IL17RD: variants seen among roughly 807,000 people sequenced by gnomAD.
The protein encoded by IL17RD is interleukin 17 receptor D, also known as interleukin-17 receptor D.
Under a neutral mutation model 80.5 loss-of-function variants are expected in IL17RD, and 52 were observed. The ratio of observed to expected loss-of-function variants is 0.65; its 90% confidence interval spans 0.52 to 0.81. IL17RD has a LOEUF of 0.81. Ranked by LOEUF, IL17RD falls within the 40% of genes least tolerant of loss-of-function variation. IL17RD has a pLI of 0.00. For missense variants in IL17RD, 1,024 were observed against 955.1 expected, an observed-to-expected ratio of 1.07 and a Z score of -0.95; for synonymous variants, 416 against 391.8, an observed-to-expected ratio of 1.06 and a Z score of -0.73.
chr3:57,127,670 G>C (rs1282296888), intron 1 of IL17RD, among the ~76,000 whole-genome samples: 1 of 151,822 alleles, frequency 6.6e-6, no homozygotes, highest in Non-Finnish European at 1.5e-5. Flanking sequence ...GCCTCCCAAA[G>C]TGCTGGGATT....
chr3:57,100,055 TATC>T (rs1354004947), intron 11 of IL17RD, among the ~76,000 whole-genome samples: 1 of 152,248 alleles, frequency 6.6e-6, no homozygotes, highest in African/African-American at 2.4e-5. Flanking sequence ...ATGTTTTATT[TATC>T]ATCCTTTTCT....
chr3:57,127,379 A>T (rs184036526), intron 1 of IL17RD, among the ~76,000 whole-genome samples: 7,165 of 82,186 alleles, frequency 0.087, 976 homozygotes, highest in South Asian at 0.22. Context: ...TATATATATA[A>T]ATAAATAAAT....
Position 57,110,132 on chromosome 3 carries a change from A to G in IL17RD, c.429+61T>C. The G allele has an allele frequency of 3.2e-6, 5 of 1,542,330 alleles. No homozygotes were observed. The South Asian group carries it at 3.6e-5, about 11-fold the overall frequency. Reference sequence around the variant, plus strand: ...TTCTCCAATTTCAGACTTTGAATACACTATTCAGGACCCTGGAACAATGGC... The same window carrying G: ...TTCTCCAATTTCAGACTTTGAATACGCTATTCAGGACCCTGGAACAATGGC... On this transcript the variant is annotated intron_variant, in intron 4 of 12. Transcript: ENST00000296318.
chr3:57,163,793 CGG>C (rs1304017874), intron 1 of IL17RD, among the ~76,000 whole-genome samples: 1 of 21,708 alleles, frequency 4.6e-5, no homozygotes, highest in African/African-American at 3.0e-4. Context: ...GGCGGGGGGG[CGG>C]GGGGGGAAGG....
At chr3:57,168,373 C>T (rs1229511346), upstream of IL17RD, among the ~76,000 whole-genome samples, 4 of 152,188 alleles carry the variant, frequency 2.6e-5, no homozygotes, top group South Asian at 2.1e-4. Context: ...ATCTGGCAAC[C>T]GACAGCCTCT....
At chr3:57,143,556 G>C (rs1707871038) in intron 1 of IL17RD, among the ~76,000 whole-genome samples, 1 of 152,252 alleles carries the variant, frequency 6.6e-6, no homozygotes. Context: ...CTGGGGAGCT[G>C]TGCTTACACA....
At position 57,094,780 on chromosome 3, in the gene IL17RD, T is replaced by C. The variant is rs1346770582; in HGVS notation, c.*1613A>G. ...CCATAGGAACAACATAAAATGACTC[T>C]TCTCTGAGTTGCCTGTTGTTATGGG... On this transcript the variant is annotated 3_prime_UTR_variant, in exon 13 of 13. Transcript: ENST00000296318. The C allele has an allele frequency of 6.6e-6, 1 of 152,358 alleles. No individual in the cohort carries two copies. Among genetic ancestry groups the C allele is most frequent in the Non-Finnish European group, 1.5e-5 (1 of 68,038 alleles). 9.4% of individuals were successfully genotyped at this position (152,358 alleles called of 1,614,324 possible).
intron 1 of IL17RD, among the ~76,000 whole-genome samples, chr3:57,140,617 C>T (rs573756291): frequency 5.9e-4 from 90 of 152,226 alleles, no homozygotes; most frequent in African/African-American, 2.1e-3. Context: ...TCCATAGCCC[C>T]GAAAGGCTTA....
rs75259928 is a variant in IL17RD, at chr3:57,140,378, C to A, written c.127-20065G>T. Among the ~76,000 whole-genome samples, 5 of 152,242 alleles carry A rather than the reference C, an allele frequency of 3.3e-5. No homozygotes were observed. In the East Asian group the frequency reaches 9.6e-4, roughly 29 times the overall value. ...GTCTACGAGCTAGCATTTAGAATAA[C>A]TGACAATTTCCCAGAACTCAAAGAG... is the stretch of plus-strand genomic sequence containing the variant. On this transcript the variant is annotated intron_variant, in intron 1 of 12. Coordinates refer to ENST00000296318, the MANE Select transcript of IL17RD (RefSeq NM_017563.5).
At chr3:57,136,457 G>C (rs1356294592) in intron 1 of IL17RD, among the ~76,000 whole-genome samples, 1 of 151,896 alleles carries the variant, frequency 6.6e-6, no homozygotes, top group Non-Finnish European at 1.5e-5. Context: ...CCATCTCATA[G>C]ACCCCATCTG....
At chr3:57,169,171 T>A, upstream of IL17RD, 1 of 495,466 alleles carries the variant, frequency 2.0e-6, no homozygotes, top group Non-Finnish European at 4.0e-6. Context: ...GGAGCTCAGC[T>A]GTGGAGGTGA....
At chr3:57,167,461 T>C (rs888727467), upstream of IL17RD, among the ~76,000 whole-genome samples, 5 of 152,092 alleles carry the variant, frequency 3.3e-5, no homozygotes, top group African/African-American at 9.7e-5. Flanking sequence ...CGTTTGGCCA[T>C]GAGAGTCAGG....
At position 57,097,803 on chromosome 3, in the gene IL17RD, G is replaced by A. The variant is rs772400592; in HGVS notation, c.1900C>T (p.Arg634Trp). ...HGGLDQDGEA[R>W]PALDGSAALQ... ...GCGGCGCTACCGTCAAGGGCAGGCC[G>A]GGCCTCCCCGTCTTGGTCCAGGCCC... The change falls in exon 12 of 13, where the codon CGG (arginine) becomes TGG (tryptophan). Residue 634 changes from arginine (R) to tryptophan (W), a missense_variant. Arg to Trp is a moderately radical substitution (Grantham distance 101, BLOSUM62 -3). Transcript: ENST00000296318. 9 of 1,605,982 alleles carry A rather than the reference G, an allele frequency of 5.6e-6. No homozygotes were observed. Among genetic ancestry groups the A allele is most frequent in the Admixed American group, 1.7e-5 (1 of 59,306 alleles).
chr3:57,163,230 G>A (rs1358624673), intron 1 of IL17RD, among the ~76,000 whole-genome samples: 2 of 152,178 alleles, frequency 1.3e-5, no homozygotes, highest in Non-Finnish European at 2.9e-5. Flanking sequence ...AGGCGAATGA[G>A]GATGACCCAA....
At chr3:57,144,162 CT>C (rs1045259160) in intron 1 of IL17RD, among the ~76,000 whole-genome samples, 1 of 152,204 alleles carries the variant, frequency 6.6e-6, no homozygotes, top group African/African-American at 2.4e-5. Context: ...CTTGTCATCA[CT>C]TCTGTCTAAG....
At chr3:57,119,608 G>A (rs544258888) in intron 2 of IL17RD, among the ~76,000 whole-genome samples, 1 of 152,120 alleles carries the variant, frequency 6.6e-6, no homozygotes, top group Non-Finnish European at 1.5e-5. Flanking sequence ...GTCAGCGATG[G>A]CCAACCAACT....
chr3:57,127,338 A>ATATAT (rs1559477158), intron 1 of IL17RD, among the ~76,000 whole-genome samples: 1 of 87,218 alleles, frequency 1.1e-5, no homozygotes, highest in Admixed American at 1.6e-4. Flanking sequence ...ATATATATAA[A>ATATAT]AATATATATA....
intron 1 of IL17RD, chr3:57,134,676 G>A: frequency 2.8e-6 from 2 of 725,822 alleles, no homozygotes; most frequent in Non-Finnish European, 5.2e-6. Context: ...ACAGGCCAAG[G>A]AGGAGATCAT....
chr3:57,128,623 T>G (rs1028905293), intron 1 of IL17RD, among the ~76,000 whole-genome samples: 4 of 150,708 alleles, frequency 2.7e-5, no homozygotes, highest in Admixed American at 1.3e-4. Context: ...GTTAGGACAT[T>G]GGTGTGAGTT....
Sources: allele counts gnomAD v4.1 joint callset (sites outside exome capture counted in the v4.1 genomes callset), GRCh38; gene constraint gnomAD v4.1.1; transcripts MANE v1.5; gene names NCBI Gene and HGNC (gene_info 2026-07-23, HGNC 2026-07-21).